KCNT2: variants seen among roughly 807,000 people sequenced by gnomAD.
KCNT2 encodes the protein potassium sodium-activated channel subfamily T member 2, also known as potassium channel subfamily T member 2.
Under a neutral mutation model 153.8 loss-of-function variants are expected in KCNT2, and 67 were observed. The observed-to-expected ratio is 0.44, with a 90% CI of 0.36 to 0.53. The LOEUF (loss-of-function observed/expected upper bound fraction) is 0.53. Among genes scored for constraint, KCNT2 ranks in the 20% least tolerant of loss-of-function variants. KCNT2 has a pLI of 0.00. For missense variants in KCNT2, 975 were observed against 1,354.8 expected (o/e 0.72, Z 4.40); for synonymous variants, 500 against 458.8 (o/e 1.09, Z -1.15).
chr1:196,354,252 A>T (rs1036404262), intron 14 of KCNT2, among the ~76,000 whole-genome samples: 1 of 151,784 alleles, frequency 6.6e-6, no homozygotes, highest in Admixed American at 6.6e-5. Context: ...CTTTCACAGC[A>T]TTGTTTTAAG....
intron 16 of KCNT2, among the ~76,000 whole-genome samples, chr1:196,337,298 T>C (rs1267211893): frequency 1.3e-5 from 2 of 152,088 alleles, no homozygotes; most frequent in Admixed American, 6.6e-5. Context: ...TAAGGAATCC[T>C]GATTATCCTC....
intron 8 of KCNT2, among the ~76,000 whole-genome samples, chr1:196,447,992 C>G (rs1203922667): frequency 1.3e-5 from 2 of 151,332 alleles, no homozygotes; most frequent in African/African-American, 4.8e-5. Context: ...AATTATTCTT[C>G]CACTGCTCTA....
chr1:196,455,451 C>T (rs1676579865), intron 8 of KCNT2, among the ~76,000 whole-genome samples: 1 of 151,920 alleles, frequency 6.6e-6, no homozygotes, highest in Admixed American at 6.6e-5. Context: ...GCACTATATG[C>T]TGAGATGGTG....
chr1:196,600,871 G>A (rs1664649111), intron 1 of KCNT2, among the ~76,000 whole-genome samples: 1 of 152,156 alleles, frequency 6.6e-6, no homozygotes, highest in South Asian at 2.1e-4. Context: ...CTCAAGATGA[G>A]AAGGGACTTA....
At chr1:196,382,544 A>T (rs1257922792) in intron 13 of KCNT2, among the ~76,000 whole-genome samples, 1 of 152,172 alleles carries the variant, frequency 6.6e-6, no homozygotes, top group African/African-American at 2.4e-5. Flanking sequence ...GAAAGAAAGA[A>T]ATCTAAAGAT....
Position 196,279,120 on chromosome 1 carries a change from A to T in KCNT2, c.2910+1740T>A, listed in dbSNP as rs554876980. On this transcript the variant is annotated intron_variant, in intron 25 of 27. Transcript: ENST00000294725. ...CTGTTGTTTACAAGCCACCCAGTCCATGGTATTTTGTTATAGCAGCCTGAA... is the reference window on the plus strand; with the variant it reads ...CTGTTGTTTACAAGCCACCCAGTCCTTGGTATTTTGTTATAGCAGCCTGAA... Among the ~76,000 whole-genome samples the T allele has an allele frequency of 1.4e-4, 21 of 152,304 alleles. No individual in the cohort carries two copies. The East Asian group carries it at 3.9e-3, about 28-fold the overall frequency.
At chr1:196,254,471 T>G (rs1656283888) in intron 26 of KCNT2, among the ~76,000 whole-genome samples, 2 of 151,588 alleles carry the variant, frequency 1.3e-5, no homozygotes, top group Admixed American at 1.3e-4. Flanking sequence ...CTTCCAATTA[T>G]TAAAAGTTGC....
At chr1:196,246,441 C>A (rs1655453442) in intron 26 of KCNT2, among the ~76,000 whole-genome samples, 1 of 152,030 alleles carries the variant, frequency 6.6e-6, no homozygotes, top group African/African-American at 2.4e-5. Context: ...GTACAAAACT[C>A]ATTGGTAATA....
intron 12 of KCNT2, among the ~76,000 whole-genome samples, chr1:196,408,208 T>A (rs1335947150): frequency 6.6e-6 from 1 of 151,574 alleles, no homozygotes; most frequent in Non-Finnish European, 1.5e-5. Context: ...CTATATATAC[T>A]GTTTTCCCTT....
intron 18 of KCNT2, 96 bp from the exon 19 acceptor site, chr1:196,326,985 C>A (rs1572048460): frequency 1.3e-5 from 9 of 679,852 alleles, no homozygotes; most frequent in South Asian, 6.1e-5. Context: ...ATTAATTGAA[C>A]AATGTAAATC....
intron 8 of KCNT2, among the ~76,000 whole-genome samples, chr1:196,451,390 G>A (rs1223764769): frequency 2.1e-5 from 3 of 141,820 alleles, no homozygotes; most frequent in Admixed American, 7.2e-5. Flanking sequence ...ACAGACGTGC[G>A]CTACCACACC....
rs1653474817 is a variant in KCNT2, at chr1:196,226,160, C to T, written c.*2064G>A. On this transcript the variant is annotated 3_prime_UTR_variant, in exon 28 of 28. Coordinates refer to ENST00000294725, the MANE Select transcript of KCNT2 (RefSeq NM_198503.5). Reference sequence around the variant, plus strand: ...ATATCCTAGCTTAAAATCCTAGTCTCAACAACTGTCATAATGCAAAAATAC... The same window carrying T: ...ATATCCTAGCTTAAAATCCTAGTCTTAACAACTGTCATAATGCAAAAATAC... 1 of 151,870 alleles carries T rather than the reference C, an allele frequency of 6.6e-6. No homozygotes were observed. Among genetic ancestry groups the T allele is most frequent in the Non-Finnish European group, 1.5e-5 (1 of 67,884 alleles). 9.4% of individuals were successfully genotyped at this position (151,870 alleles called of 1,614,324 possible).
chr1:196,529,874 T>C (rs1654716976), intron 1 of KCNT2, among the ~76,000 whole-genome samples: 1 of 152,070 alleles, frequency 6.6e-6, no homozygotes, highest in Non-Finnish European at 1.5e-5. Flanking sequence ...ACCACTTGTT[T>C]CAGAAAATAT....
At chr1:196,261,391 C>G (rs1657012718) in intron 25 of KCNT2, among the ~76,000 whole-genome samples, 1 of 151,780 alleles carries the variant, frequency 6.6e-6, no homozygotes, top group Non-Finnish European at 1.5e-5. Flanking sequence ...CTTTGCCTAT[C>G]AAATTTTTCT....
intron 1 of KCNT2, among the ~76,000 whole-genome samples, chr1:196,558,704 G>T (rs1232956911): frequency 6.6e-6 from 1 of 151,404 alleles, no homozygotes; most frequent in Non-Finnish European, 1.5e-5. Context: ...TTTTCCTGAA[G>T]GGATTCTATT....
intron 1 of KCNT2, among the ~76,000 whole-genome samples, chr1:196,557,863 T>G (rs1572824121): frequency 6.6e-6 from 1 of 151,568 alleles, no homozygotes; most frequent in Non-Finnish European, 1.5e-5. Context: ...AATTTACTAT[T>G]TTAAGGTGCG....
At chr1:196,333,672 A>G (rs981640091) in intron 17 of KCNT2, among the ~76,000 whole-genome samples, 175 bp downstream of exon 17, 27 of 152,130 alleles carry the variant, frequency 1.8e-4, no homozygotes, top group Admixed American at 7.2e-4. Flanking sequence ...TCTGCAGTCA[A>G]AAGAGATACT....
In KCNT2 at chr1:196,561,357, G is replaced by T. The variant is rs199879085; in HGVS notation, c.95+46858C>A. Among the ~76,000 whole-genome samples the T allele has an allele frequency of 2.0e-5, 3 of 151,518 alleles. No homozygotes were observed. The East Asian group carries it at 5.8e-4, about 29-fold the overall frequency. On this transcript the variant is annotated intron_variant, in intron 1 of 27. Transcript: ENST00000294725. Reference sequence around the variant, plus strand: ...ACTAGTCTTTCCTAACTAATAAAGGGTTCAGGTGAGAAATGGTAGGAATTT... The same window carrying T: ...ACTAGTCTTTCCTAACTAATAAAGGTTTCAGGTGAGAAATGGTAGGAATTT...
At chr1:196,302,789 G>C (rs915342063) in intron 22 of KCNT2, among the ~76,000 whole-genome samples, 1 of 151,168 alleles carries the variant, frequency 6.6e-6, no homozygotes, top group Non-Finnish European at 1.5e-5. Context: ...AGACTAAAAA[G>C]TTTCTACATT....
Sources: gnomAD v4.1 joint callset for allele counts (sites outside exome capture counted in the v4.1 genomes callset) on GRCh38, gnomAD v4.1.1 for gene constraint, MANE v1.5 for transcripts, NCBI Gene and HGNC (gene_info 2026-07-23, HGNC 2026-07-21) for gene names.